SRRT: variants seen among roughly 807,000 people sequenced by gnomAD.
The protein encoded by SRRT is serrate RNA effector molecule homolog.
SRRT carries 32 observed loss-of-function variants against 103.2 expected under a neutral mutation model. That is an observed-to-expected ratio of 0.31 (90% CI 0.23 to 0.42). SRRT has a LOEUF of 0.42. SRRT is among the 10% of genes least tolerant of loss of function. The pLI is 1.00. For missense variants in SRRT, 986 were observed against 1,207.5 expected, an observed-to-expected ratio of 0.82 and a Z score of 2.72; for synonymous variants, 525 against 449.0, an observed-to-expected ratio of 1.17 and a Z score of -2.14.
At position 100,886,960 on chromosome 7, in the gene SRRT, T is replaced by C. The variant is rs756163189; in HGVS notation, c.1813T>C (p.Leu605=). The change falls in exon 14 of 20, where the codon TTG becomes CTG. Residue 605 remains leucine, a synonymous_variant. Transcript: ENST00000611405. ...AEINVERDEK[L]IKVLDKLLLY... Reference sequence around the variant, plus strand: ...GATCAACGTGGAGCGGGATGAGAAGTTGATTAAGGTGCCAGTGGCAGCGCG... The same window carrying C: ...GATCAACGTGGAGCGGGATGAGAAGCTGATTAAGGTGCCAGTGGCAGCGCG... 6.2e-7 allele frequency: 1 copy of C among 1,610,188 alleles called. No individual in the cohort carries two copies. Among genetic ancestry groups the C allele is most frequent in the Non-Finnish European group, 8.5e-7 (1 of 1,177,278 alleles).
rs371531627 is a variant in SRRT, at chr7:100,884,461, G to A, written c.851G>A (p.Ser284Asn). The change falls in exon 7 of 20, where the codon AGC becomes AAC. Residue 284 changes from serine to asparagine, a missense_variant. Ser to Asn is a conservative substitution (Grantham distance 46). Coordinates refer to ENST00000611405, the MANE Select transcript of SRRT (RefSeq NM_015908.6). ...EEQAGKPGEP[S>N]KKEEGRAGAG... ...CAGGCAGGAAAGCCTGGGGAGCCCA[G>A]CAAGAAAGAAGAAGGACGGGCTGGA... The A allele has an allele frequency of 1.2e-6, 2 of 1,614,014 alleles. No homozygotes were observed. Among genetic ancestry groups the A allele is most frequent in the Non-Finnish European group, 1.7e-6 (2 of 1,179,978 alleles).
intron 5 of SRRT, chr7:100,883,216 T>G: frequency 6.6e-6 from 1 of 152,572 alleles, no homozygotes; most frequent in Non-Finnish European, 1.5e-5. Flanking sequence ...TCTCAGCACC[T>G]TCATTCTTCT....
chr7:100,875,561 C>T lies in SRRT; in HGVS notation c.-18-12C>T. The T allele has an allele frequency of 8.7e-6, 14 of 1,613,194 alleles. No homozygotes were observed. The highest frequency in any genetic ancestry group is 1.2e-5 in the Non-Finnish European group (14 of 1,179,480). On this transcript the variant is annotated splice_polypyrimidine_tract_variant and intron_variant, in intron 1 of 19. Coordinates refer to ENST00000611405, the MANE Select transcript of SRRT (RefSeq NM_015908.6). ...TTTTGCACCACTCCTACCGCCTCTC[C>T]CCGGTCCCCAGGCCCCCTCAGACCG... is the stretch of plus-strand genomic sequence containing the variant.
Position 100,886,976 on chromosome 7 carries a change from T to G in SRRT, c.1821+8T>G. On this transcript the variant is annotated splice_region_variant and intron_variant, in intron 14 of 19. Transcript: ENST00000611405. ...GATGAGAAGTTGATTAAGGTGCCAG[T>G]GGCAGCGCGGGGCACGTGGGGGCTC... 1 of 1,609,710 alleles carries G rather than the reference T, an allele frequency of 6.2e-7. No individual in the cohort carries two copies. Among genetic ancestry groups the G allele is most frequent in the East Asian group, 2.2e-5 (1 of 44,792 alleles).
Position 100,882,427 on chromosome 7 carries a change from C to T in SRRT, c.587+186C>T, listed in dbSNP as rs1789666450. 1 of 610,066 alleles carries T rather than the reference C, an allele frequency of 1.6e-6. No individual in the cohort carries two copies. The allele number at this position is 610,066 out of a possible 1,614,324, so 37.8% of individuals were successfully genotyped here. A position where few individuals can be genotyped will look rare whatever the true frequency, so the allele number is the denominator to read the frequency against. ...CTTCAGCAACTGCCACGGCCCCCGC[C>T]CCGCCCTGTCTCCTGTCCTGCTGTC... On this transcript the variant is annotated intron_variant, in intron 5 of 19. Coordinates refer to ENST00000611405, the MANE Select transcript of SRRT (RefSeq NM_015908.6). This position sits in a 1 kb window ranked among gnomAD's most constrained non-coding sequence, Gnocchi z 4.2.
Position 100,884,771 on chromosome 7 carries a change from CAAAG to C in SRRT, c.977_980del (p.Lys326SerfsTer141), listed in dbSNP as rs771799434. On this transcript the variant is annotated frameshift_variant, in exon 8 of 20. Transcript: ENST00000611405. LOFTEE classifies it high-confidence loss of function. ...AATGACAGTTCTAATGATGACAAAACAAAGAAGTCGGAGGGTGATGGGGACAAGG... is the reference window on the plus strand; with the variant it reads ...AATGACAGTTCTAATGATGACAAAACAAGTCGGAGGGTGATGGGGACAAGG... The C allele has an allele frequency of 9.9e-6, 16 of 1,613,858 alleles. No individual in the cohort carries two copies. The highest frequency in any genetic ancestry group is 1.7e-5 in the Admixed American group (1 of 59,982).
At chr7:100,878,796 G>A (rs1815993691) in intron 2 of SRRT, among the ~76,000 whole-genome samples, 1 of 151,816 alleles carries the variant, frequency 6.6e-6, no homozygotes. Context: ...GACTTCCCCA[G>A]GCTTAGGTGA....
At chr7:100,881,482 C>T in intron 3 of SRRT, 69 bp downstream of exon 3, 4 of 1,585,238 alleles carry the variant, frequency 2.5e-6, no homozygotes, top group Non-Finnish European at 3.4e-6. Flanking sequence ...TTTCTCCCCT[C>T]ACCTGTGCCT....
In SRRT at chr7:100,887,676, C is replaced by T; in HGVS notation, c.2170-27C>T. The T allele has an allele frequency of 1.9e-6, 3 of 1,599,034 alleles. No individual in the cohort carries two copies. Among genetic ancestry groups the T allele is most frequent in the Non-Finnish European group, 2.6e-6 (3 of 1,168,354 alleles). The stretch of plus-strand genomic sequence containing the variant: ...AGCGAGGCAACCCTTATGTGGCTGT[C>T]CTGACCCCTCTCCTCTCTCCACCCA... On this transcript the variant is annotated intron_variant, in intron 16 of 19. Coordinates refer to ENST00000611405, the MANE Select transcript of SRRT (RefSeq NM_015908.6). The surrounding 1 kb of genome is among the most constrained non-coding windows in gnomAD (Gnocchi z 4.1).
In SRRT at chr7:100,882,373, C is replaced by A; in HGVS notation, c.587+132C>A. 1 of 1,004,834 alleles carries A rather than the reference C, an allele frequency of 1.0e-6. No individual in the cohort carries two copies. Among genetic ancestry groups the A allele is most frequent in the Non-Finnish European group, 1.4e-6 (1 of 694,966 alleles). 62.2% of individuals were successfully genotyped at this position (1,004,834 alleles called of 1,614,324 possible). On this transcript the variant is annotated intron_variant, in intron 5 of 19. Transcript: ENST00000611405. The surrounding 1 kb of genome is among the most constrained non-coding windows in gnomAD (Gnocchi z 4.2). ...TGGGGGCGGGGGTCGGGAAGTATGA[C>A]AGCATTGGCTGATGGGGTCTCCCCC...
At position 100,882,433 on chromosome 7, in the gene SRRT, C is replaced by T; in HGVS notation, c.587+192C>T. On this transcript the variant is annotated intron_variant, in intron 5 of 19. Coordinates refer to ENST00000611405, the MANE Select transcript of SRRT (RefSeq NM_015908.6). The surrounding 1 kb of genome is among the most constrained non-coding windows in gnomAD (Gnocchi z 4.2). ...CAACTGCCACGGCCCCCGCCCCGCC[C>T]TGTCTCCTGTCCTGCTGTCCTCAGA... is the stretch of plus-strand genomic sequence containing the variant. 3.4e-6 allele frequency: 2 copies of T among 593,066 alleles called. No individual in the cohort carries two copies. Among genetic ancestry groups the T allele is most frequent in the South Asian group, 2.0e-5 (1 of 49,856 alleles). 36.7% of individuals were successfully genotyped at this position (593,066 alleles called of 1,614,324 possible).
At position 100,887,590 on chromosome 7, in the gene SRRT, G is replaced by T; in HGVS notation, c.2169+77G>T. 3.8e-6 allele frequency: 6 copies of T among 1,584,422 alleles called. No individual in the cohort carries two copies. On this transcript the variant is annotated intron_variant, in intron 16 of 19. Transcript: ENST00000611405. The surrounding 1 kb of genome is among the most constrained non-coding windows in gnomAD (Gnocchi z 4.1). ...GACAGGAAGCCCCCTGGGCAGGGGT[G>T]GGGGAACTGCTTACTGCACTGGCAG... is the stretch of plus-strand genomic sequence containing the variant.
chr7:100,881,840 GC>G (rs772847674), intron 4 of SRRT, 35 bp downstream of exon 4: 9 of 1,562,024 alleles, frequency 5.8e-6, no homozygotes, highest in Non-Finnish European at 7.8e-6. Flanking sequence ...GGGTTGGTAG[GC>G]CTGGGGGATG....
chr7:100,882,293 C>T lies in SRRT; in HGVS notation c.587+52C>T, dbSNP rs780582304. ...CTGCCCTGGCATGTCCCCCTGGCCC[C>T]GCTGGTGGAGCCACAGCCCTGTCCT... On this transcript the variant is annotated intron_variant, in intron 5 of 19. Coordinates refer to ENST00000611405, the MANE Select transcript of SRRT (RefSeq NM_015908.6). This position sits in a 1 kb window ranked among gnomAD's most constrained non-coding sequence, Gnocchi z 4.2. The T allele has an allele frequency of 1.5e-5, 23 of 1,579,042 alleles. No individual in the cohort carries two copies. Among genetic ancestry groups the T allele is most frequent in the Middle Eastern group, 3.4e-4 (2 of 5,918 alleles).
rs533990564 is a variant in SRRT at position 100,882,869 on chromosome 7, C to T, written c.587+628C>T. On this transcript the variant is annotated intron_variant, in intron 5 of 19. Transcript: ENST00000611405. This position sits in a 1 kb window ranked among gnomAD's most constrained non-coding sequence, Gnocchi z 4.2. ...ACATGAGCCCCTGGGCTGAGCTGCG[C>T]GGCCCCGGCCAGGCAGACAGGCCAG... is the stretch of plus-strand genomic sequence containing the variant. 1.8e-4 allele frequency: 28 copies of T among 153,032 alleles called. No homozygotes were observed. Among genetic ancestry groups the T allele is most frequent in the East Asian group, 1.8e-3 (9 of 5,130 alleles). 9.5% of individuals were successfully genotyped at this position (153,032 alleles called of 1,614,324 possible).
intron 7 of SRRT, 80 bp from the exon 8 acceptor site, chr7:100,884,660 C>T: frequency 6.6e-7 from 1 of 1,520,128 alleles, no homozygotes; most frequent in Non-Finnish European, 9.0e-7. Flanking sequence ...GAACCTGTGG[C>T]CTCAGCTGTG....
chr7:100,887,058 G>C lies in SRRT; in HGVS notation c.1833G>C (p.Lys611Asn). Residue 611 changes from lysine (K) to asparagine (N), a missense_variant, in exon 15 of 20, where the codon AAG becomes AAC. Physicochemically the swap from Lys to Asn is moderately conservative, Grantham distance 94 (BLOSUM62 0). Around this residue, in one of 6 missense-constraint regions of SRRT, gnomAD observed 349 missense variants for 446.9 expected, o/e 0.78. Transcript: ENST00000611405. The surrounding 1 kb of genome is among the most constrained non-coding windows in gnomAD (Gnocchi z 4.1). ...TTCACTTCCCTTAGGTCTTGGACAA[G>C]CTCCTCCTTTACCTGCGCATCGTGC... is the stretch of plus-strand genomic sequence containing the variant. Reference protein sequence around the residue: ...RDEKLIKVLDKLLLYLRIVHS... With the variant: ...RDEKLIKVLDNLLLYLRIVHS... The C allele has an allele frequency of 6.2e-7, 1 of 1,614,240 alleles. No homozygotes were observed. The highest frequency in any genetic ancestry group is 8.5e-7 in the Non-Finnish European group (1 of 1,180,040).
rs1335142892 is a variant in SRRT, at chr7:100,886,250, C to T, written c.1462C>T (p.Arg488Trp). 2 of 1,610,640 alleles carry T rather than the reference C, an allele frequency of 1.2e-6. No individual in the cohort carries two copies. The highest frequency in any genetic ancestry group is 8.5e-7 in the Non-Finnish European group (1 of 1,179,000). Residue 488 changes from arginine (R) to tryptophan (W), a missense_variant, in exon 13 of 20, where the codon CGG becomes TGG. Coordinates refer to ENST00000611405, the MANE Select transcript of SRRT (RefSeq NM_015908.6). ...GCTGATGATGTCTGCCCTCCAGCTC[C>T]GGGAGTGTGAGCTGAGCCCTGGTGT... ...ICWNLQNIRL[R>W]ECELSPGVNR...
chr7:100,886,182 A>T, intron 12 of SRRT, 65 bp from the exon 13 acceptor site: 1 of 1,543,930 alleles, frequency 6.5e-7, no homozygotes, highest in Non-Finnish European at 8.8e-7. Context: ...GAAGGGTCTT[A>T]GAGCTGCTGT....
Sources: allele counts gnomAD v4.1 joint callset (sites outside exome capture counted in the v4.1 genomes callset), GRCh38; gene constraint gnomAD v4.1.1; regional missense constraint gnomAD v4.1.1; non-coding constraint Gnocchi (gnomAD v3.1); transcripts MANE v1.5; gene names NCBI Gene and HGNC (gene_info 2026-07-23, HGNC 2026-07-21).